Variants in WRN observed in about 807,000 individuals in gnomAD.
WRN encodes the protein WRN RecQ like helicase.
In WRN, 149 loss-of-function variants were observed where a neutral mutation model predicts 180.7. That is an observed-to-expected ratio of 0.82 (90% CI 0.72 to 0.94). WRN has a LOEUF of 0.94. WRN is among the 40% of genes least tolerant of loss of function. The probability of loss-of-function intolerance (pLI) is 0.00; values close to 1 mark genes in which losing one functional copy is unlikely to be tolerated. For missense variants in WRN, 1,661 were observed against 1,700.1 expected (o/e 0.98, Z 0.40); for synonymous variants, 548 against 568.9 (o/e 0.96, Z 0.52).
At chr8:31,080,813 C>A (rs1813271253) in intron 8 of WRN, 54 bp from the exon 9 acceptor site, 2 of 1,421,798 alleles carry the variant, frequency 1.4e-6, no homozygotes, top group South Asian at 1.3e-5. Context: ...CACAGTTTGT[C>A]CTTGTAGTTA....
chr8:31,035,835 A>G (rs1035468305), intron 1 of WRN, among the ~76,000 whole-genome samples: 1 of 152,136 alleles, frequency 6.6e-6, no homozygotes, highest in East Asian at 1.9e-4. Context: ...CCTTTATCAC[A>G]ATTACCTTTA....
chr8:31,159,370 G>A (rs1211350197), intron 33 of WRN, among the ~76,000 whole-genome samples: 4 of 151,844 alleles, frequency 2.6e-5, no homozygotes, highest in Non-Finnish European at 5.9e-5. Flanking sequence ...AGGAACAATG[G>A]TTGAAAAGGT....
intron 8 of WRN, among the ~76,000 whole-genome samples, chr8:31,077,017 G>A (rs1319875287): frequency 6.6e-6 from 1 of 151,976 alleles, no homozygotes; most frequent in African/African-American, 2.4e-5. Flanking sequence ...ATGTAATTTT[G>A]GGCCAAAAAA....
At chr8:31,155,334 A>G (rs534222754) in intron 32 of WRN, among the ~76,000 whole-genome samples, 2 of 152,248 alleles carry the variant, frequency 1.3e-5, no homozygotes, top group Admixed American at 1.3e-4. Flanking sequence ...ACAAATGACC[A>G]TACGTAGGCC....
At chr8:31,070,951 C>T (rs1175510012) in intron 7 of WRN, among the ~76,000 whole-genome samples, 1 of 150,726 alleles carries the variant, frequency 6.6e-6, no homozygotes, top group Non-Finnish European at 1.5e-5. Flanking sequence ...GAGGCTGAGG[C>T]AGGAGAATCG....
intron 17 of WRN, among the ~76,000 whole-genome samples, chr8:31,099,328 C>T (rs572182155): frequency 7.0e-4 from 106 of 150,718 alleles, no homozygotes; most frequent in Non-Finnish European, 1.2e-3. Flanking sequence ...GGCATGAACC[C>T]GGGAGGCAGA....
chr8:31,124,710 T>C, intron 22 of WRN, 87 bp downstream of exon 22: 1 of 1,377,098 alleles, frequency 7.3e-7, no homozygotes, highest in Non-Finnish European at 1.0e-6. Flanking sequence ...ATTATCAGTA[T>C]TTTGAAAAAA....
At chr8:31,129,118 A>T (rs909633454) in intron 23 of WRN, among the ~76,000 whole-genome samples, 7 of 152,156 alleles carry the variant, frequency 4.6e-5, no homozygotes, top group Non-Finnish European at 8.8e-5. Flanking sequence ...AAGTAGCTAC[A>T]GGCATGCACT....
At chr8:31,116,696 T>C (rs1801536725) in intron 20 of WRN, among the ~76,000 whole-genome samples, 168 bp downstream of exon 20, 1 of 152,248 alleles carries the variant, frequency 6.6e-6, no homozygotes, top group African/African-American at 2.4e-5. Flanking sequence ...AATAGCAATC[T>C]GTACCTAGTG....
At chr8:31,081,948 A>G (rs11574224) in intron 9 of WRN, among the ~76,000 whole-genome samples, 57 of 151,810 alleles carry the variant, frequency 3.8e-4, no homozygotes, top group African/African-American at 1.4e-3. Context: ...TTTTGTAGAG[A>G]TGGGGTTTCG....
intron 20 of WRN, 99 bp downstream of exon 20, chr8:31,116,627 G>A: frequency 6.6e-7 from 1 of 1,521,790 alleles, no homozygotes; most frequent in Non-Finnish European, 9.0e-7. Flanking sequence ...CTTTCTTTGT[G>A]TTGAACATAA....
chr8:31,135,774 A>C (rs1381802075), intron 24 of WRN, among the ~76,000 whole-genome samples: 1 of 151,218 alleles, frequency 6.6e-6, no homozygotes, highest in Admixed American at 6.6e-5. Context: ...AAAGAAGTTA[A>C]TATGGAGAAG....
At chr8:31,076,921 G>A (rs1813115178) in intron 8 of WRN, among the ~76,000 whole-genome samples, 1 of 152,160 alleles carries the variant, frequency 6.6e-6, no homozygotes. Flanking sequence ...ATCAGACCTT[G>A]TCCTGGCCTT....
In WRN at chr8:31,094,490, CAT is replaced by C; in HGVS notation, c.1899-2275_1899-2274del. Among the ~76,000 whole-genome samples, 4 of 152,044 alleles carry C rather than the reference CAT, an allele frequency of 2.6e-5. No homozygotes were observed. In the South Asian group the frequency reaches 6.2e-4, roughly 24 times the overall value. On this transcript the variant is annotated intron_variant, in intron 16 of 34. Transcript: ENST00000298139. ...TCTCCTGAGTAGCTGGGACTGTAGG[CAT>C]ATGTTACCATACCTGGCTAATTTGT...
rs1298608067 is a variant in WRN, at chr8:31,120,397, G to T, written c.2603G>T (p.Trp868Leu). 6.2e-7 allele frequency: 1 copy of T among 1,612,520 alleles called. No individual in the cohort carries two copies. Among genetic ancestry groups the T allele is most frequent in the Admixed American group, 1.7e-5 (1 of 59,896 alleles). ...DGLQSSCHVL[W>L]APADINLNRH... The stretch of plus-strand genomic sequence containing the variant: ...CTTCAAAGTTCTTGTCACGTCCTCT[G>T]GGCTCCTGCAGACATTAACTTAAAT... Residue 868 changes from tryptophan to leucine, a missense_variant, in exon 21 of 35, where the codon TGG becomes TTG. Trp to Leu is a moderately conservative substitution (Grantham distance 61). Around this residue, in one of 3 missense-constraint regions of WRN, gnomAD observed 1,141 missense variants for 1,149.4 expected, o/e 0.99. Coordinates refer to ENST00000298139, the MANE Select transcript of WRN (RefSeq NM_000553.6).
chr8:31,086,765 A>G (rs1221708650), intron 11 of WRN, among the ~76,000 whole-genome samples: 2 of 152,174 alleles, frequency 1.3e-5, no homozygotes, highest in Non-Finnish European at 2.9e-5. Context: ...ACATTTAGTA[A>G]GTGTTTAATA....
chr8:31,142,829 G>A, intron 27 of WRN, 128 bp downstream of exon 27: 1 of 791,714 alleles, frequency 1.3e-6, no homozygotes, highest in African/African-American at 1.8e-5. Flanking sequence ...ATAAAATTCG[G>A]CCAGGGAAGT....
chr8:31,065,947 C>T (rs190913928), intron 5 of WRN, among the ~76,000 whole-genome samples: 1 of 142,522 alleles, frequency 7.0e-6, no homozygotes, highest in East Asian at 2.1e-4. Context: ...GGTGTGATCT[C>T]AGCTCACTGC....
chr8:31,144,339 G>GTTTT lies in WRN; in HGVS notation c.3383+726_3383+729dup, dbSNP rs35613465. On this transcript the variant is annotated intron_variant, in intron 28 of 34. Transcript: ENST00000298139. Reference sequence around the variant, plus strand: ...TAACTCTATAATAGTCTCTAAGTGTGTTTTTTTTTTTTTCGAGACTGAGTC... The same window carrying GTTTT: ...TAACTCTATAATAGTCTCTAAGTGTGTTTTTTTTTTTTTTTTTCGAGACTGAGTC... Among the ~76,000 whole-genome samples the GTTTT allele has an allele frequency of 1.5e-3, 213 of 144,424 alleles. 1 individual carries two copies. The highest frequency in any genetic ancestry group is 6.4e-3 in the South Asian group (29 of 4,546). The allele number at this position is 144,424 out of a possible 152,430, so 94.7% of individuals were successfully genotyped here.
Sources: gnomAD v4.1 joint callset for allele counts (sites outside exome capture counted in the v4.1 genomes callset) on GRCh38, gnomAD v4.1.1 for gene constraint, gnomAD v4.1.1 regional missense constraint, MANE v1.5 for transcripts, NCBI Gene and HGNC (gene_info 2026-07-23, HGNC 2026-07-21) for gene names.